The following SLC19A1 variants were observed in gnomAD, a reference collection of about 807,000 sequenced individuals.
The protein encoded by SLC19A1 is reduced folate transporter.
A neutral mutation model predicts 35.3 loss-of-function variants in SLC19A1; 37 were observed. The observed-to-expected ratio is 1.05, with a 90% CI of 0.81 to 1.38. The LOEUF is 1.38. SLC19A1 is among the 40% of genes most tolerant of loss of function. The pLI is 0.00. For synonymous variants in SLC19A1, 460 were observed against 398.5 expected (o/e 1.15, Z -1.84); for missense variants, 831 against 826.9 (o/e 1.00, Z -0.06).
At chr21:45,509,920 C>T (rs1234758065), downstream of SLC19A1, 24 of 955,760 alleles carry the variant, frequency 2.5e-5, no homozygotes, top group East Asian at 4.8e-4. Flanking sequence ...GCCTGGGCCC[C>T]TCAGTGTGTC....
At chr21:45,504,353 G>T in intron 3 of SLC19A1, 1 of 1,546,816 alleles carries the variant, frequency 6.5e-7, no homozygotes, top group Non-Finnish European at 8.8e-7. Flanking sequence ...TCGGGGGGAT[G>T]GGAGGCCACC....
At position 45,537,844 on chromosome 21, in the gene SLC19A1, G is replaced by C; in HGVS notation, c.116C>G (p.Ala39Gly). The change falls in exon 2 of 6, where the codon GCG (alanine) becomes GGG (glycine). Residue 39 changes from alanine to glycine, a missense_variant. By Grantham distance (60) the Ala-to-Gly change is moderately conservative (BLOSUM62 0). Coordinates refer to ENST00000311124, the MANE Select transcript of SLC19A1 (RefSeq NM_194255.4). ...VCYLCFYGFM[A>G]QIRPGESFIT... is the part of the protein sequence containing the mutation. ...GAAGCTCTCCCCTGGCCGTATCTGCGCCATGAAGCCGTAGAAGCAAAGGTA... is the reference window on the plus strand; with the variant it reads ...GAAGCTCTCCCCTGGCCGTATCTGCCCCATGAAGCCGTAGAAGCAAAGGTA... The C allele has an allele frequency of 6.2e-7, 1 of 1,607,976 alleles. No homozygotes were observed. Among genetic ancestry groups the C allele is most frequent in the Non-Finnish European group, 8.5e-7 (1 of 1,178,510 alleles).
chr21:45,512,334 C>G, downstream of SLC19A1: 1 of 1,612,658 alleles, frequency 6.2e-7, no homozygotes, highest in Non-Finnish European at 8.5e-7. Flanking sequence ...CAGAGTGCCG[C>G]GAGCTGCCAT....
rs1355647741 is a variant in SLC19A1 at position 45,540,370 on chromosome 21, GCAGGAGT to G, written c.-50+1991_-50+1997del. On this transcript the variant is annotated intron_variant, in intron 1 of 5. Transcript: ENST00000311124. This position sits in a 1 kb window ranked among gnomAD's most constrained non-coding sequence, Gnocchi z 5.5. ...GGGTCTGCGCCCACAGTCCATGGCC[GCAGGAGT>G]CAGATCCCCACCCACAGGACCCCCA... is the stretch of plus-strand genomic sequence containing the variant. Among the ~76,000 whole-genome samples the G allele has an allele frequency of 7.2e-5, 11 of 152,282 alleles. No homozygotes were observed. In the East Asian group the frequency reaches 2.1e-3, roughly 29 times the overall value.
At chr21:45,526,720 C>T (rs139356387) in intron 4 of SLC19A1, among the ~76,000 whole-genome samples, 614 of 152,332 alleles carry the variant, frequency 4.0e-3, no homozygotes, top group Non-Finnish European at 6.1e-3. Context: ...TACAGGCACG[C>T]GCCATCATGC....
chr21:45,560,083 G>A (rs1078884), intron 1 of SLC19A1, among the ~76,000 whole-genome samples: 61,566 of 151,748 alleles, frequency 0.41, 12,670 homozygotes, highest in African/African-American at 0.48. Context: ...CTCGTGCCAG[G>A]TGTGGCTAGA....
intron 1 of SLC19A1, among the ~76,000 whole-genome samples, chr21:45,538,224 A>G (rs1166082749): frequency 6.6e-6 from 1 of 152,106 alleles, no homozygotes; most frequent in Non-Finnish European, 1.5e-5. Context: ...GGCTGTCACC[A>G]CCTCCAGGGT....
chr21:45,560,344 GC>G (rs1273664044), intron 1 of SLC19A1, among the ~76,000 whole-genome samples: 1 of 152,256 alleles, frequency 6.6e-6, no homozygotes, highest in Admixed American at 6.5e-5. Context: ...CGCACTGGGT[GC>G]CCACTATGGC....
downstream of SLC19A1, chr21:45,509,568 A>G: frequency 6.5e-7 from 1 of 1,528,484 alleles, no homozygotes; most frequent in Non-Finnish European, 8.8e-7. Context: ...CCACAAGCCC[A>G]CCCGCCCACA....
chr21:45,559,968 C>T (rs767684539), intron 1 of SLC19A1, among the ~76,000 whole-genome samples: 6 of 152,196 alleles, frequency 3.9e-5, no homozygotes, highest in Non-Finnish European at 8.8e-5. Flanking sequence ...AGACAGGATC[C>T]GCATGTGAAC....
upstream of SLC19A1, among the ~76,000 whole-genome samples, chr21:45,545,245 G>A (rs915469767): frequency 1.3e-5 from 2 of 152,210 alleles, no homozygotes; most frequent in African/African-American, 2.4e-5. Flanking sequence ...TGGAAGTGGG[G>A]CCTGGCGGGA....
intron 1 of SLC19A1, among the ~76,000 whole-genome samples, chr21:45,553,624 T>TC (rs1170867368): frequency 3.1e-5 from 1 of 31,876 alleles, no homozygotes. Context: ...TCACCCCCAA[T>TC]CCCCCCGCGC....
At position 45,534,099 on chromosome 21, in the gene SLC19A1, G is replaced by A. The variant is rs148348779; in HGVS notation, c.190-1951C>T. On this transcript the variant is annotated intron_variant, in intron 2 of 5. Coordinates refer to ENST00000311124, the MANE Select transcript of SLC19A1 (RefSeq NM_194255.4). This position sits in a 1 kb window ranked among gnomAD's most constrained non-coding sequence, Gnocchi z 4.2. The stretch of plus-strand genomic sequence containing the variant: ...CACTCCGTCCTGCTCAGGACATTCC[G>A]GGACACTCTGAGGGCAGGTTATGTG... 1.3e-5 allele frequency among the ~76,000 whole-genome samples: 2 copies of A among 152,286 alleles called. No homozygotes were observed. The highest frequency in any genetic ancestry group is 1.9e-4 in the East Asian group (1 of 5,168).
intron 5 of SLC19A1, among the ~76,000 whole-genome samples, chr21:45,523,610 A>G (rs1423849509): frequency 6.6e-6 from 1 of 152,186 alleles, no homozygotes; most frequent in Non-Finnish European, 1.5e-5. Context: ...CAGAGTCCCT[A>G]AAGAGCCCTC....
At position 45,516,506 on chromosome 21, in the gene SLC19A1, G is replaced by A. The variant is rs751101072; in HGVS notation, c.1294-366C>T. 4.6e-5 allele frequency among the ~76,000 whole-genome samples: 7 copies of A among 152,322 alleles called. No homozygotes were observed. In the East Asian group the frequency reaches 5.8e-4, roughly 13 times the overall value. ...GAAGGGTGCCCATGAGGGCCAGAAC[G>A]TCCCGCCTGGCAGAGCAGGGTGAGG... is the stretch of plus-strand genomic sequence containing the variant. On this transcript the variant is annotated intron_variant, in intron 5 of 5. Transcript: ENST00000311124.
At chr21:45,506,953 C>G in intron 3 of SLC19A1, 3 of 252,612 alleles carry the variant, frequency 1.2e-5, no homozygotes, top group Non-Finnish European at 2.4e-5. Flanking sequence ...CTGGTGCCCA[C>G]TGTGTGCCAG....
chr21:45,532,203 C>T, intron 2 of SLC19A1, 55 bp from the exon 3 acceptor site: 3 of 1,443,764 alleles, frequency 2.1e-6, no homozygotes, highest in Non-Finnish European at 2.8e-6. Flanking sequence ...GCCGCTGCGG[C>T]AGACACAGCC....
At chr21:45,558,188 C>T (rs545848409) in intron 1 of SLC19A1, among the ~76,000 whole-genome samples, 15 of 152,386 alleles carry the variant, frequency 9.8e-5, no homozygotes, top group South Asian at 4.1e-4. Context: ...TCGGACTCCA[C>T]ACGGCTGGTG....
At chr21:45,551,901 T>C (rs1055356734) in intron 1 of SLC19A1, among the ~76,000 whole-genome samples, 5 of 152,300 alleles carry the variant, frequency 3.3e-5, no homozygotes, top group Admixed American at 3.3e-4. Context: ...TCCCTGCATG[T>C]CCACGCCTTT....
Sources: gnomAD v4.1 joint callset for allele counts (sites outside exome capture counted in the v4.1 genomes callset) on GRCh38, gnomAD v4.1.1 for gene constraint, Gnocchi (gnomAD v3.1) non-coding constraint, MANE v1.5 for transcripts, NCBI Gene and HGNC (gene_info 2026-07-23, HGNC 2026-07-21) for gene names.